The following MECOM variants were observed in gnomAD, a reference collection of about 807,000 sequenced individuals.
MECOM encodes MDS1 and EVI1 complex locus.
A neutral mutation model predicts 116.3 loss-of-function variants in MECOM; 13 were observed. The observed-to-expected ratio is 0.11, with a 90% CI of 0.07 to 0.18. The LOEUF (loss-of-function observed/expected upper bound fraction) is 0.18, where lower values mean the gene tolerates loss of function less well. Among genes scored for constraint, MECOM ranks in the 10% least tolerant of loss-of-function variants. MECOM has a pLI of 1.00. For synonymous variants in MECOM, 528 were observed against 535.2 expected (o/e 0.99, Z 0.19); for missense variants, 1,299 against 1,509.0 (o/e 0.86, Z 2.31).
At chr3:169,280,094 C>G (rs528706876) in intron 2 of MECOM, among the ~76,000 whole-genome samples, 1 of 152,280 alleles carries the variant, frequency 6.6e-6, no homozygotes, top group South Asian at 2.1e-4. Context: ...GACTGTTACT[C>G]TTCTGAATGA....
chr3:169,259,854 T>C (rs1757333275), intron 2 of MECOM, among the ~76,000 whole-genome samples: 1 of 152,252 alleles, frequency 6.6e-6, no homozygotes, highest in Non-Finnish European at 1.5e-5. Context: ...AGTAAGTCTA[T>C]AGCCCCTGGA....
intron 2 of MECOM, among the ~76,000 whole-genome samples, chr3:169,152,693 G>A (rs1427041042): frequency 6.6e-6 from 1 of 152,152 alleles, no homozygotes; most frequent in Non-Finnish European, 1.5e-5. Flanking sequence ...CCCCGTTATT[G>A]TCCCTACAGC....
intron 2 of MECOM, among the ~76,000 whole-genome samples, chr3:169,277,859 G>A (rs985547996): frequency 6.6e-6 from 1 of 152,108 alleles, no homozygotes. Context: ...TTCCAACCAG[G>A]GTTTCTCCCA....
chr3:169,169,707 T>C (rs1233575319), intron 2 of MECOM, among the ~76,000 whole-genome samples: 1 of 152,196 alleles, frequency 6.6e-6, no homozygotes, highest in Non-Finnish European at 1.5e-5. Context: ...AGAAGTAACC[T>C]TTAGTTTCCC....
chr3:169,115,355 T>C (rs1385632972), intron 8 of MECOM, 28 bp downstream of exon 8: 1 of 1,598,388 alleles, frequency 6.3e-7, no homozygotes, highest in Admixed American at 1.7e-5. Context: ...CATCTGCTCA[T>C]ATTTCGTCAT....
At chr3:169,594,776 G>T (rs1370084939) in intron 1 of MECOM, among the ~76,000 whole-genome samples, 2 of 149,110 alleles carry the variant, frequency 1.3e-5, no homozygotes, top group Non-Finnish European at 3.0e-5. Flanking sequence ...AATATCAATT[G>T]ATAAGCTTAC....
At chr3:169,168,910 A>C (rs962944190) in intron 2 of MECOM, among the ~76,000 whole-genome samples, 2 of 151,936 alleles carry the variant, frequency 1.3e-5, no homozygotes, top group African/African-American at 4.8e-5. Flanking sequence ...ATTATCTATA[A>C]AATGATAGAG....
intron 1 of MECOM, among the ~76,000 whole-genome samples, chr3:169,632,569 C>G (rs933560579): frequency 2.0e-5 from 3 of 152,140 alleles, no homozygotes; most frequent in African/African-American, 7.2e-5. Flanking sequence ...AGATGGCTGC[C>G]CAAGACCACA....
chr3:169,105,164 C>T (rs1269361930), intron 10 of MECOM, among the ~76,000 whole-genome samples: 1 of 152,170 alleles, frequency 6.6e-6, no homozygotes, highest in Non-Finnish European at 1.5e-5. Context: ...TTGAATCCTT[C>T]TTTTCATCTT....
intron 5 of MECOM, among the ~76,000 whole-genome samples, chr3:169,125,239 G>T (rs573119831): frequency 6.6e-6 from 1 of 152,022 alleles, no homozygotes; most frequent in Non-Finnish European, 1.5e-5. Flanking sequence ...TTACAGAGTG[G>T]AATGTTAATA....
chr3:169,607,124 A>C (rs1175922709), intron 1 of MECOM, among the ~76,000 whole-genome samples: 1 of 152,258 alleles, frequency 6.6e-6, no homozygotes, highest in African/African-American at 2.4e-5. Flanking sequence ...TTACGGAGGC[A>C]ATATAATATC....
intron 2 of MECOM, among the ~76,000 whole-genome samples, chr3:169,281,671 G>A (rs1203170863): frequency 5.3e-5 from 8 of 152,068 alleles, no homozygotes; most frequent in Admixed American, 5.2e-4. Flanking sequence ...AATTAGCTGG[G>A]TGTGGTGGCA....
intron 2 of MECOM, chr3:169,145,118 C>T (rs967773168): frequency 1.1e-5 from 11 of 991,234 alleles, no homozygotes; most frequent in Middle Eastern, 2.2e-4. Context: ...AAAGAAAAAT[C>T]GAACATAAGA....
chr3:169,091,744 T>C (rs748676794), intron 14 of MECOM, among the ~76,000 whole-genome samples: 3 of 152,130 alleles, frequency 2.0e-5, no homozygotes, highest in African/African-American at 7.2e-5. Context: ...TTGTTTTTCT[T>C]TGATACACTT....
At chr3:169,300,523 CAT>C (rs898742937) in intron 2 of MECOM, among the ~76,000 whole-genome samples, 4 of 152,278 alleles carry the variant, frequency 2.6e-5, no homozygotes, top group African/African-American at 9.6e-5. Flanking sequence ...GTTTTAGACT[CAT>C]AGTCTTAATT....
intron 1 of MECOM, among the ~76,000 whole-genome samples, chr3:169,422,714 C>T (rs2108512606): frequency 6.6e-6 from 1 of 152,148 alleles, no homozygotes; most frequent in Middle Eastern, 3.4e-3. Flanking sequence ...TTCACCTACC[C>T]AGATCCCCTG....
At chr3:169,096,739 G>T (rs879885157) in intron 12 of MECOM, among the ~76,000 whole-genome samples, 31 of 152,248 alleles carry the variant, frequency 2.0e-4, no homozygotes, top group Middle Eastern at 3.4e-3. Flanking sequence ...GGCTTCTGTG[G>T]TTGTCCTTAT....
rs1365641532 is a variant in MECOM at position 169,230,891 on chromosome 3, T to C, written c.376-87059A>G. Reference sequence around the variant, plus strand: ...ATAAGATCTTCAATGGTTCCCCCACTTTATCATAACTTTGTTATTATCAAA... The same window carrying C: ...ATAAGATCTTCAATGGTTCCCCCACCTTATCATAACTTTGTTATTATCAAA... On this transcript the variant is annotated intron_variant, in intron 2 of 16. Transcript: ENST00000651503. Among the ~76,000 whole-genome samples, 3 of 152,196 alleles carry C rather than the reference T, an allele frequency of 2.0e-5. No homozygotes were observed. The East Asian group carries it at 5.8e-4, about 29-fold the overall frequency.
Position 169,514,429 on chromosome 3 carries a change from T to C in MECOM, c.38-132905A>G, listed in dbSNP as rs529826773. ...GTCGGCGACTAAAAGGTTTTTGGTC[T>C]ATAAGGAGTTGGAAGCATGTGAAAG... On this transcript the variant is annotated intron_variant, in intron 1 of 16. Transcript: ENST00000651503. Among the ~76,000 whole-genome samples the C allele has an allele frequency of 2.0e-5, 3 of 152,330 alleles. No homozygotes were observed. In the South Asian group the frequency reaches 6.2e-4, roughly 32 times the overall value.
Sources: allele counts gnomAD v4.1 joint callset (sites outside exome capture counted in the v4.1 genomes callset), GRCh38; gene constraint gnomAD v4.1.1; transcripts MANE v1.5; gene names NCBI Gene and HGNC (gene_info 2026-07-23, HGNC 2026-07-21).